Variants in DDX50 observed in about 807,000 individuals in gnomAD.
DDX50 encodes DExD-box helicase 50, also known as ATP-dependent RNA helicase DDX50.
In DDX50, 56 loss-of-function variants were observed where a neutral mutation model predicts 94.8. The observed-to-expected ratio is 0.59, with a 90% CI of 0.48 to 0.74. The LOEUF (loss-of-function observed/expected upper bound fraction) is 0.74, where lower values mean the gene tolerates loss of function less well. Among genes scored for constraint, DDX50 ranks in the 30% least tolerant of loss-of-function variants. The probability of loss-of-function intolerance (pLI) is 0.00; values close to 1 mark genes in which losing one functional copy is unlikely to be tolerated. For missense variants in DDX50, 713 were observed against 881.2 expected, an observed-to-expected ratio of 0.81 and a Z score of 2.42; for synonymous variants, 264 against 295.4, an observed-to-expected ratio of 0.89 and a Z score of 1.09.
chr10:68,912,157 G>T (rs1841642508), intron 4 of DDX50, among the ~76,000 whole-genome samples: 1 of 152,128 alleles, frequency 6.6e-6, no homozygotes, highest in Admixed American at 6.6e-5. Flanking sequence ...ATTAGGAAAA[G>T]ACTGAAATAG....
intron 8 of DDX50, among the ~76,000 whole-genome samples, chr10:68,933,946 A>AG (rs1289778147): frequency 6.6e-6 from 1 of 152,096 alleles, no homozygotes; most frequent in Non-Finnish European, 1.5e-5. Context: ...AAAAAAAAAA[A>AG]AAATCTGACA....
intron 8 of DDX50, among the ~76,000 whole-genome samples, chr10:68,933,578 C>T (rs1589267943): frequency 6.6e-6 from 1 of 151,686 alleles, no homozygotes; most frequent in Non-Finnish European, 1.5e-5. Context: ...GTAATATCCA[C>T]GTTATAAATA....
chr10:68,915,544 C>G (rs567906095), intron 7 of DDX50, among the ~76,000 whole-genome samples: 1 of 151,836 alleles, frequency 6.6e-6, no homozygotes, highest in Non-Finnish European at 1.5e-5. Context: ...GGCGATACCT[C>G]GTCTCTATTA....
At chr10:68,946,274 G>A in intron 14 of DDX50, 78 bp from the exon 15 acceptor site, 1 of 1,480,460 alleles carries the variant, frequency 6.8e-7, no homozygotes, top group Non-Finnish European at 9.0e-7. Context: ...ATATGAAAAA[G>A]GTGTCTTCTT....
At chr10:68,936,146 C>T in intron 11 of DDX50, 67 bp downstream of exon 11, 3 of 1,309,574 alleles carry the variant, frequency 2.3e-6, no homozygotes, top group Admixed American at 2.3e-5. Flanking sequence ...TAAGCTCTCC[C>T]AGTTCAAATA....
chr10:68,910,421 G>T, intron 3 of DDX50, 39 bp downstream of exon 3: 1 of 1,542,766 alleles, frequency 6.5e-7, no homozygotes, highest in South Asian at 1.2e-5. Flanking sequence ...TTGTTGTTTT[G>T]AGACAGAGCC....
intron 8 of DDX50, among the ~76,000 whole-genome samples, chr10:68,932,511 C>T (rs1012143991): frequency 5.3e-5 from 8 of 152,140 alleles, no homozygotes; most frequent in African/African-American, 1.9e-4. Flanking sequence ...CCACCCACGT[C>T]AGCCTCCCAA....
At chr10:68,916,115 G>A (rs570402325) in intron 7 of DDX50, among the ~76,000 whole-genome samples, 9 of 152,232 alleles carry the variant, frequency 5.9e-5, no homozygotes, top group Admixed American at 5.2e-4. Context: ...CAGCACTCTG[G>A]GAGGCCGAGG....
At chr10:68,915,513 C>G (rs938986961) in intron 7 of DDX50, among the ~76,000 whole-genome samples, 8 of 152,038 alleles carry the variant, frequency 5.3e-5, no homozygotes, top group African/African-American at 1.9e-4. Flanking sequence ...GTCAGGAGAT[C>G]GAGACCATCC....
chr10:68,917,399 C>G (rs969163320), intron 7 of DDX50, among the ~76,000 whole-genome samples: 2 of 152,126 alleles, frequency 1.3e-5, no homozygotes, highest in African/African-American at 4.8e-5. Flanking sequence ...GCGGAGGTTG[C>G]AGTGAGCTGA....
Position 68,906,657 on chromosome 10 carries a change from G to T in DDX50, c.88-54G>T, listed in dbSNP as rs112424501. 1,694 of 1,576,794 alleles carry T rather than the reference G, an allele frequency of 1.1e-3. 22 individuals carry two copies. The African/African-American group carries it at 0.019, about 18-fold the overall frequency. The stretch of plus-strand genomic sequence containing the variant: ...GGAGTCATGCTCTAACTTCTCTAGA[G>T]TCTTAAAAGAAAACCTCTGACCATC... On this transcript the variant is annotated intron_variant, in intron 1 of 14. Transcript: ENST00000373585.
At chr10:68,909,159 T>C (rs1841554999) in intron 2 of DDX50, among the ~76,000 whole-genome samples, 1 of 152,132 alleles carries the variant, frequency 6.6e-6, no homozygotes, top group Non-Finnish European at 1.5e-5. Flanking sequence ...TTTTTTATCA[T>C]AAAAAGGTAA....
At chr10:68,929,280 CCTTCCTTCCTTCCTCTCT>C (rs1442124936) in intron 8 of DDX50, among the ~76,000 whole-genome samples, 1 of 93,004 alleles carries the variant, frequency 1.1e-5, no homozygotes. Context: ...TTCCTTCCTT[CCTTCCTTCCTTCCTCTCT>C]CTCTCTCTCT....
intron 1 of DDX50, chr10:68,906,127 A>G (rs1040628807): frequency 6.6e-6 from 1 of 152,458 alleles, no homozygotes; most frequent in Admixed American, 6.5e-5. Context: ...TGAAGACTAT[A>G]AAGAGCCTCA....
At chr10:68,902,600 G>A (rs1841324504) in intron 1 of DDX50, among the ~76,000 whole-genome samples, 1 of 152,126 alleles carries the variant, frequency 6.6e-6, no homozygotes. Context: ...GAAACTCTGT[G>A]CCCATTAAAC....
intron 8 of DDX50, among the ~76,000 whole-genome samples, chr10:68,931,096 C>T (rs776589129): frequency 1.2e-4 from 18 of 152,066 alleles, no homozygotes; most frequent in Admixed American, 3.3e-4. Flanking sequence ...CTCTTAGACC[C>T]GTGCATCATC....
chr10:68,904,996 A>G (rs1841401033), intron 1 of DDX50, among the ~76,000 whole-genome samples: 1 of 152,216 alleles, frequency 6.6e-6, no homozygotes, highest in Non-Finnish European at 1.5e-5. Context: ...ATCACTAATT[A>G]CTGCTATCTA....
chr10:68,913,715 TGAAAAA>T, intron 6 of DDX50, 139 bp downstream of exon 6: 1 of 816,930 alleles, frequency 1.2e-6, no homozygotes, highest in South Asian at 2.3e-5. Context: ...GTTCTGTCCT[TGAAAAA>T]GAAAGTATGA....
At chr10:68,904,953 A>G (rs1421506889) in intron 1 of DDX50, among the ~76,000 whole-genome samples, 1 of 152,266 alleles carries the variant, frequency 6.6e-6, no homozygotes, top group Non-Finnish European at 1.5e-5. Context: ...TGTGTAAGTT[A>G]TGGTGAACAT....
Sources: allele counts gnomAD v4.1 joint callset (sites outside exome capture counted in the v4.1 genomes callset), GRCh38; gene constraint gnomAD v4.1.1; transcripts MANE v1.5; gene names NCBI Gene and HGNC (gene_info 2026-07-23, HGNC 2026-07-21).